LRRK1: variants seen among roughly 807,000 people sequenced by gnomAD.
LRRK1 encodes the protein leucine rich repeat kinase 1, also known as leucine-rich repeat serine/threonine-protein kinase 1.
Under a neutral mutation model 209.1 loss-of-function variants are expected in LRRK1, and 113 were observed. That is an observed-to-expected ratio of 0.54 (90% confidence interval 0.46 to 0.63). The LOEUF (loss-of-function observed/expected upper bound fraction) is 0.63, where lower values mean the gene tolerates loss of function less well. Among genes scored for constraint, LRRK1 ranks in the 30% least tolerant of loss-of-function variants. The pLI, the probability that LRRK1 is intolerant of heterozygous loss-of-function variation, is 0.00. For synonymous variants in LRRK1, 1,144 were observed against 1,099.7 expected (o/e 1.04, Z -0.80); for missense variants, 2,284 against 2,632.2 (o/e 0.87, Z 2.89).
In LRRK1 at chr15:101,027,932, C is replaced by T. The variant is rs2034116867; in HGVS notation, c.2686+135C>T. 6.7e-6 allele frequency: 5 copies of T among 746,274 alleles called. No individual in the cohort carries two copies. The highest frequency in any genetic ancestry group is 5.6e-5 in the South Asian group (3 of 53,152). The allele number at this position is 746,274 out of a possible 1,614,324, so 46.2% of individuals were successfully genotyped here. A position where few individuals can be genotyped will look rare whatever the true frequency, so the allele number is the denominator to read the frequency against. On this transcript the variant is annotated intron_variant, in intron 19 of 33. Transcript: ENST00000388948. This position sits in a 1 kb window ranked among gnomAD's most constrained non-coding sequence, Gnocchi z 5.1. Reference sequence around the variant, plus strand: ...CGTTTCTGCCTTCCATCCCCCTCCCCTTCCTTCTTCCCTCTCACCCTTCTT... The same window carrying T: ...CGTTTCTGCCTTCCATCCCCCTCCCTTTCCTTCTTCCCTCTCACCCTTCTT...
Position 100,928,507 on chromosome 15 carries a change from GC to G in LRRK1, c.97+3780del, listed in dbSNP as rs1596154723. Among the ~76,000 whole-genome samples the G allele has an allele frequency of 2.6e-5, 4 of 152,292 alleles. No homozygotes were observed. In the East Asian group the frequency reaches 7.7e-4, roughly 29 times the overall value. ...CAGCTCCGGCTGAGAAAAGTTGGCCGCCAGAAGGAAAACTAACGACACTCAA... is the reference window on the plus strand; with the variant it reads ...CAGCTCCGGCTGAGAAAAGTTGGCCGCAGAAGGAAAACTAACGACACTCAA... On this transcript the variant is annotated intron_variant, in intron 2 of 33. Transcript: ENST00000388948.
Position 100,924,261 on chromosome 15 carries a change from G to A in LRRK1, c.-122-250G>A, listed in dbSNP as rs192306250. 1.4e-4 allele frequency among the ~76,000 whole-genome samples: 21 copies of A among 152,296 alleles called. 1 individual carries two copies. Among genetic ancestry groups the A allele is most frequent in the African/African-American group, 4.6e-4 (19 of 41,562 alleles). ...TGAACAATGATTGAAGCTGTTACCA[G>A]TATGTGTTTTCCAATTGTCTGGGGT... On this transcript the variant is annotated intron_variant, in intron 1 of 33. Transcript: ENST00000388948.
intron 6 of LRRK1, among the ~76,000 whole-genome samples, chr15:100,999,481 C>CT (rs1175170732): frequency 6.6e-6 from 1 of 152,166 alleles, no homozygotes; most frequent in East Asian, 1.9e-4. Flanking sequence ...ACTTAACTCT[C>CT]TGAGTTTAGT....
At chr15:100,929,278 C>CA (rs35436896) in intron 2 of LRRK1, among the ~76,000 whole-genome samples, 32,325 of 151,922 alleles carry the variant, frequency 0.21, 4,042 homozygotes, top group East Asian at 0.44. Context: ...GGCTCGCCCC[C>CA]CCAGCTCTCT....
chr15:100,954,631 G>A (rs1253648822), intron 2 of LRRK1, among the ~76,000 whole-genome samples: 1 of 152,072 alleles, frequency 6.6e-6, no homozygotes, highest in African/African-American at 2.4e-5. Flanking sequence ...TGTTTCATAT[G>A]TTTTAAGTCT....
At chr15:100,959,920 C>T (rs919968171) in intron 2 of LRRK1, among the ~76,000 whole-genome samples, 8 of 152,148 alleles carry the variant, frequency 5.3e-5, no homozygotes, top group African/African-American at 1.9e-4. Flanking sequence ...CTCGGTGCCT[C>T]ATCCTAAATG....
At chr15:101,013,700 T>C (rs1313473929) in intron 10 of LRRK1, among the ~76,000 whole-genome samples, 1 of 152,192 alleles carries the variant, frequency 6.6e-6, no homozygotes, top group Admixed American at 6.5e-5. Context: ...CCTTGGTGAC[T>C]GGGTTCCCTG....
At chr15:101,058,572 A>C (rs1441121309) in intron 29 of LRRK1, among the ~76,000 whole-genome samples, 1 of 129,034 alleles carries the variant, frequency 7.7e-6, no homozygotes, top group South Asian at 2.6e-4. Flanking sequence ...TGGTTATGTG[A>C]CTTTCTCAAG....
chr15:101,061,262 C>T lies in LRRK1; in HGVS notation c.4771C>T (p.Gln1591Ter). The T allele has an allele frequency of 6.2e-7, 1 of 1,613,974 alleles. No homozygotes were observed. Among genetic ancestry groups the T allele is most frequent in the Non-Finnish European group, 8.5e-7 (1 of 1,179,926 alleles). ...GMKVSCQLQV[Q>*]RSLWTATEDQ... ...GAAGGTGAGCTGCCAGCTCCAGGTCCAGAGATCCCTGTGGACAGCCACCGA... is the reference window on the plus strand; with the variant it reads ...GAAGGTGAGCTGCCAGCTCCAGGTCTAGAGATCCCTGTGGACAGCCACCGA... Residue 1591 changes from glutamine (Q) to a stop codon, truncating the protein, a stop_gained, in exon 30 of 34, where the codon CAG (glutamine) becomes TAG (stop). Coordinates refer to ENST00000388948, the MANE Select transcript of LRRK1 (RefSeq NM_024652.6). LOFTEE classifies it high-confidence loss of function.
chr15:100,925,272 C>A (rs1567181620), intron 2 of LRRK1, among the ~76,000 whole-genome samples: 1 of 152,212 alleles, frequency 6.6e-6, no homozygotes, highest in Non-Finnish European at 1.5e-5. Flanking sequence ...TAGGGCACCA[C>A]CTGGCTCCCG....
At chr15:101,015,059 G>C (rs1428318770) in intron 11 of LRRK1, among the ~76,000 whole-genome samples, 1 of 152,202 alleles carries the variant, frequency 6.6e-6, no homozygotes, top group Non-Finnish European at 1.5e-5. Flanking sequence ...AGCCCAGCCA[G>C]CCTCTGGAGA....
chr15:101,028,052 C>A (rs61164251), intron 19 of LRRK1, among the ~76,000 whole-genome samples: 9,075 of 152,282 alleles, frequency 0.06, 867 homozygotes, highest in African/African-American at 0.2. Flanking sequence ...CGCCTGCCCT[C>A]CGGGGCTGAT....
At chr15:101,063,478 G>A (rs557685328) in intron 31 of LRRK1, among the ~76,000 whole-genome samples, 1 of 152,328 alleles carries the variant, frequency 6.6e-6, no homozygotes, top group African/African-American at 2.4e-5. Context: ...GCCCCTCAGT[G>A]GGGGGCAGCT....
chr15:100,946,802 G>T (rs2042547541), intron 2 of LRRK1, among the ~76,000 whole-genome samples: 2 of 152,196 alleles, frequency 1.3e-5, no homozygotes, highest in Non-Finnish European at 2.9e-5. Context: ...GAACTTGAAT[G>T]AATGTTGAAC....
intron 3 of LRRK1, among the ~76,000 whole-genome samples, chr15:100,977,555 A>T (rs1240960592): frequency 6.6e-6 from 1 of 152,224 alleles, no homozygotes; most frequent in East Asian, 1.9e-4. Context: ...TGAGACATGC[A>T]TTCCCCATCT....
At chr15:101,034,736 A>G (rs528388823) in intron 20 of LRRK1, among the ~76,000 whole-genome samples, 1 of 152,090 alleles carries the variant, frequency 6.6e-6, no homozygotes, top group South Asian at 2.1e-4. Context: ...TAGCTATTCA[A>G]TCTCTTGTTT....
At position 101,076,147 on chromosome 15, in the gene LRRK1, A is replaced by G. The variant is rs1171323371; in HGVS notation, c.*7299A>G. ...ACCCTGTAGACCTTCTGTCCAAACA[A>G]CTTGACCTTACTGTTTTAGCCTAGC... On this transcript the variant is annotated 3_prime_UTR_variant, in exon 34 of 34. Transcript: ENST00000388948. 6.6e-6 allele frequency: 1 copy of G among 152,138 alleles called. No homozygotes were observed. Among genetic ancestry groups the G allele is most frequent in the Non-Finnish European group, 1.5e-5 (1 of 68,038 alleles). The allele number at this position is 152,138 out of a possible 1,614,324, so 9.4% of individuals were successfully genotyped here.
chr15:101,041,388 CCTA>C (rs1335374367), intron 20 of LRRK1, among the ~76,000 whole-genome samples: 4 of 152,088 alleles, frequency 2.6e-5, no homozygotes, highest in Admixed American at 1.3e-4. Context: ...TGGGTTTAAG[CCTA>C]CTATTTCTCT....
intron 27 of LRRK1, 47 bp downstream of exon 27, chr15:101,055,270 G>A (rs766464978): frequency 1.3e-6 from 2 of 1,488,188 alleles, no homozygotes; most frequent in Non-Finnish European, 1.8e-6. Flanking sequence ...TAGGAGCCCA[G>A]CCCTCAGGCT....
Sources: gnomAD v4.1 joint callset for allele counts (sites outside exome capture counted in the v4.1 genomes callset) on GRCh38, gnomAD v4.1.1 for gene constraint, Gnocchi (gnomAD v3.1) non-coding constraint, MANE v1.5 for transcripts, NCBI Gene and HGNC (gene_info 2026-07-23, HGNC 2026-07-21) for gene names.